ZHX2: variants seen among roughly 807,000 people sequenced by gnomAD.
ZHX2 encodes zinc fingers and homeoboxes 2, also known as zinc fingers and homeoboxes protein 2.
ZHX2 carries 6 observed loss-of-function variants against 21.9 expected under a neutral mutation model. That is an observed-to-expected ratio of 0.27 (90% CI 0.15 to 0.54). The LOEUF (loss-of-function observed/expected upper bound fraction) is 0.54. ZHX2 is among the 20% of genes least tolerant of loss of function. The probability of loss-of-function intolerance (pLI) is 0.95; values close to 1 mark genes in which losing one functional copy is unlikely to be tolerated. For missense variants in ZHX2, 908 were observed against 1,090.7 expected, an observed-to-expected ratio of 0.83 and a Z score of 2.36; for synonymous variants, 434 against 437.1, an observed-to-expected ratio of 0.99 and a Z score of 0.09.
rs761502245 is a variant in ZHX2, at chr8:122,951,912, C to T, written c.402C>T (p.Pro134=). ...CCGACCACAACTCCAAGTTCCATCC[C>T]GGGGAGGCCAACTTCAAGCTGAAGT... The part of the protein sequence containing the change: ...SLSDHNSKFH[P]GEANFKLKLI... Residue 134 remains proline, a synonymous_variant, in exon 3 of 4, where the codon CCC becomes CCT. Coordinates refer to ENST00000314393, the MANE Select transcript of ZHX2 (RefSeq NM_014943.5). 12 of 1,613,940 alleles carry T rather than the reference C, an allele frequency of 7.4e-6. No individual in the cohort carries two copies. Among genetic ancestry groups the T allele is most frequent in the Admixed American group, 6.7e-5 (4 of 59,992 alleles).
At chr8:122,825,961 A>G (rs541238995) in intron 1 of ZHX2, among the ~76,000 whole-genome samples, 2 of 152,272 alleles carry the variant, frequency 1.3e-5, no homozygotes, top group South Asian at 2.1e-4. Context: ...TCAAGGATAC[A>G]TCTCACTTAC....
intron 1 of ZHX2, among the ~76,000 whole-genome samples, chr8:122,834,281 A>G (rs965894633): frequency 1.3e-5 from 2 of 152,182 alleles, no homozygotes; most frequent in African/African-American, 4.8e-5. Flanking sequence ...GGCAGGGCCG[A>G]TGAGATCCAA....
At chr8:122,889,077 CT>C (rs1819914691) in intron 2 of ZHX2, among the ~76,000 whole-genome samples, 1 of 152,298 alleles carries the variant, frequency 6.6e-6, no homozygotes, top group East Asian at 1.9e-4. Context: ...AGATTTCATT[CT>C]TTTTCACGAC....
chr8:122,889,800 G>A (rs561893732), intron 2 of ZHX2, among the ~76,000 whole-genome samples: 1 of 152,214 alleles, frequency 6.6e-6, no homozygotes, highest in South Asian at 2.1e-4. Context: ...AGGGTTTGCA[G>A]GACTCAAATA....
At chr8:122,853,643 C>T (rs758279444) in intron 1 of ZHX2, among the ~76,000 whole-genome samples, 1 of 152,118 alleles carries the variant, frequency 6.6e-6, no homozygotes, top group Non-Finnish European at 1.5e-5. Context: ...CACCCCTCCG[C>T]TCCCCTCCTT....
At position 122,973,768 on chromosome 8, in the gene ZHX2, T is replaced by C. The variant is rs533978706; in HGVS notation, c.*531T>C. Reference sequence around the variant, plus strand: ...TTATTTTTAAAGGTAGGTTGAAATTTGGGAGATTTCTCGGCAGGAAGGGCT... The same window carrying C: ...TTATTTTTAAAGGTAGGTTGAAATTCGGGAGATTTCTCGGCAGGAAGGGCT... On this transcript the variant is annotated 3_prime_UTR_variant, in exon 4 of 4. Coordinates refer to ENST00000314393, the MANE Select transcript of ZHX2 (RefSeq NM_014943.5). The C allele has an allele frequency of 5.2e-5, 8 of 152,746 alleles. No individual in the cohort carries two copies. The East Asian group carries it at 1.5e-3, about 29-fold the overall frequency. 9.5% of individuals were successfully genotyped at this position (152,746 alleles called of 1,614,324 possible). A position where few individuals can be genotyped will look rare whatever the true frequency, so the allele number is the denominator to read the frequency against.
At chr8:122,911,796 C>T (rs553236169) in intron 2 of ZHX2, among the ~76,000 whole-genome samples, 1 of 152,240 alleles carries the variant, frequency 6.6e-6, no homozygotes, top group Non-Finnish European at 1.5e-5. Flanking sequence ...TTACCCTCAT[C>T]TGGAATGATC....
At chr8:122,966,031 T>C (rs1353511649) in intron 3 of ZHX2, among the ~76,000 whole-genome samples, 1 of 152,242 alleles carries the variant, frequency 6.6e-6, no homozygotes, top group Non-Finnish European at 1.5e-5. Context: ...ACCTTAAGTT[T>C]ATGTGAATCC....
chr8:122,873,165 A>C lies in ZHX2; in HGVS notation c.-220+9626A>C, dbSNP rs187531235. On this transcript the variant is annotated intron_variant, in intron 2 of 3. Transcript: ENST00000314393. ...CCAAATTACCATATGTAAGTCCTGC[A>C]CTGCCTTAAAAGCCTAGTCGTTAAG... Among the ~76,000 whole-genome samples, 6 of 152,368 alleles carry C rather than the reference A, an allele frequency of 3.9e-5. No individual in the cohort carries two copies. In the East Asian group the frequency reaches 1.2e-3, roughly 29 times the overall value.
rs775017099 is a variant in ZHX2, at chr8:122,951,624, A to G, written c.114A>G (p.Pro38=). 2 of 1,613,942 alleles carry G rather than the reference A, an allele frequency of 1.2e-6. No individual in the cohort carries two copies. Among genetic ancestry groups the G allele is most frequent in the Admixed American group, 3.3e-5 (2 of 59,978 alleles). Residue 38 remains proline (P), a synonymous_variant, in exon 3 of 4, where the codon CCA becomes CCG. Coordinates refer to ENST00000314393, the MANE Select transcript of ZHX2 (RefSeq NM_014943.5). ...DRAKEKGIGT[P]QPDVAKDSWA... Reference sequence around the variant, plus strand: ...CCAAAGAGAAAGGAATCGGCACACCACAGCCTGACGTGGCCAAGGACAGTT... The same window carrying G: ...CCAAAGAGAAAGGAATCGGCACACCGCAGCCTGACGTGGCCAAGGACAGTT...
chr8:122,888,390 CAT>C (rs1484966371), intron 2 of ZHX2, among the ~76,000 whole-genome samples: 1 of 152,154 alleles, frequency 6.6e-6, no homozygotes, highest in Non-Finnish European at 1.5e-5. Flanking sequence ...TCACTTCAAA[CAT>C]GTACATTTCT....
chr8:122,850,950 G>A (rs1252241669), intron 1 of ZHX2, among the ~76,000 whole-genome samples: 6 of 152,056 alleles, frequency 3.9e-5, no homozygotes, highest in African/African-American at 4.8e-5. Context: ...CCTGGGGCTC[G>A]CCCTGGGACA....
rs960561739 is a variant in ZHX2, at chr8:122,921,516, G to A, written c.-219-29776G>A. 6.6e-5 allele frequency among the ~76,000 whole-genome samples: 10 copies of A among 152,164 alleles called. No homozygotes were observed. The South Asian group carries it at 1.0e-3, about 16-fold the overall frequency. ...GGATCCGCAGATCTTAAGTGCTCTC[G>A]CCACAAAAAAGAAGCGTGGGCGTGG... On this transcript the variant is annotated intron_variant, in intron 2 of 3. Transcript: ENST00000314393.
At chr8:122,860,602 G>T (rs1218615340) in intron 1 of ZHX2, among the ~76,000 whole-genome samples, 2 of 152,092 alleles carry the variant, frequency 1.3e-5, no homozygotes. Context: ...GTAACCATAG[G>T]GCTATATTTT....
At chr8:122,784,071 G>C (rs1563728991) in intron 1 of ZHX2, among the ~76,000 whole-genome samples, 1 of 152,210 alleles carries the variant, frequency 6.6e-6, no homozygotes, top group Non-Finnish European at 1.5e-5. Flanking sequence ...ATGTCCATTT[G>C]AAGGGGGAAA....
intron 1 of ZHX2, among the ~76,000 whole-genome samples, chr8:122,806,773 G>A (rs1202360628): frequency 6.6e-6 from 1 of 152,190 alleles, no homozygotes; most frequent in Non-Finnish European, 1.5e-5. Flanking sequence ...TTTACCTTGT[G>A]CCAATTATGG....
chr8:122,885,370 G>A (rs1371860629), intron 2 of ZHX2, among the ~76,000 whole-genome samples: 1 of 152,214 alleles, frequency 6.6e-6, no homozygotes, highest in Non-Finnish European at 1.5e-5. Flanking sequence ...TCAGCATTTG[G>A]TTGTGATCAA....
At chr8:122,931,636 G>A (rs1820996062) in intron 2 of ZHX2, among the ~76,000 whole-genome samples, 1 of 152,148 alleles carries the variant, frequency 6.6e-6, no homozygotes, top group Admixed American at 6.5e-5. Flanking sequence ...ACGCGCTGCA[G>A]CATCAGAGTC....
At chr8:122,875,148 T>C (rs1231982342) in intron 2 of ZHX2, among the ~76,000 whole-genome samples, 3 of 5,508 alleles carry the variant, frequency 5.4e-4, no homozygotes, top group African/African-American at 1.5e-3. Flanking sequence ...TATATATATA[T>C]ATATATATAT....
Sources: allele counts gnomAD v4.1 joint callset (sites outside exome capture counted in the v4.1 genomes callset), GRCh38; gene constraint gnomAD v4.1.1; transcripts MANE v1.5; gene names NCBI Gene and HGNC (gene_info 2026-07-23, HGNC 2026-07-21).